CHN2: variants seen among roughly 807,000 people sequenced by gnomAD.
CHN2 encodes chimerin 2.
Under a neutral mutation model 56.3 loss-of-function variants are expected in CHN2, and 35 were observed. The observed-to-expected ratio is 0.62, with a 90% CI of 0.47 to 0.82. The LOEUF is 0.82. CHN2 is among the 40% of genes least tolerant of loss of function. CHN2 has a pLI of 0.00. For synonymous variants in CHN2, 210 were observed against 212.8 expected (o/e 0.99, Z 0.12); for missense variants, 491 against 580.5 (o/e 0.85, Z 1.58).
chr7:29,330,008 TG>T (rs1464603123), intron 1 of CHN2, among the ~76,000 whole-genome samples: 1 of 152,220 alleles, frequency 6.6e-6, no homozygotes, highest in African/African-American at 2.4e-5. Flanking sequence ...TGCTCTAACC[TG>T]GCCAGACTAT....
intron 4 of CHN2, 91 bp from the exon 5 acceptor site, chr7:29,398,282 G>C: frequency 1.1e-6 from 1 of 942,802 alleles, no homozygotes; most frequent in Non-Finnish European, 1.7e-6. Flanking sequence ...TGTCGATTCT[G>C]GGTGCCCCCA....
chr7:29,270,589 G>T (rs984359584), intron 1 of CHN2, among the ~76,000 whole-genome samples: 2 of 151,830 alleles, frequency 1.3e-5, no homozygotes, highest in African/African-American at 4.8e-5. Flanking sequence ...ACTTGAACTT[G>T]GGAGGTGGTG....
At chr7:29,431,000 A>G (rs1654671925) in intron 6 of CHN2, among the ~76,000 whole-genome samples, 2 of 152,090 alleles carry the variant, frequency 1.3e-5, no homozygotes, top group Admixed American at 1.3e-4. Context: ...TTGCTGCCTA[A>G]GCCTAGTCAG....
Position 29,323,725 on chromosome 7 carries a change from C to T in CHN2, c.50-30900C>T, listed in dbSNP as rs559246635. Reference sequence around the variant, plus strand: ...AATTATAGGGGGTTGAGGCTGGGCGCGGTGGCTCACACCTGTAATTCCAGC... The same window carrying T: ...AATTATAGGGGGTTGAGGCTGGGCGTGGTGGCTCACACCTGTAATTCCAGC... On this transcript the variant is annotated intron_variant, in intron 1 of 12. Transcript: ENST00000222792. 5.9e-5 allele frequency among the ~76,000 whole-genome samples: 9 copies of T among 152,060 alleles called. No individual in the cohort carries two copies. In the East Asian group the frequency reaches 9.7e-4, roughly 16 times the overall value.
chr7:29,190,720 T>C (rs577188906), upstream of CHN2, among the ~76,000 whole-genome samples: 13 of 152,354 alleles, frequency 8.5e-5, no homozygotes, highest in African/African-American at 2.9e-4. Flanking sequence ...TTTCTTTTGC[T>C]GCAGATGTGT....
chr7:29,196,086 C>G (rs545699857), intron 1 of CHN2, among the ~76,000 whole-genome samples: 1 of 152,200 alleles, frequency 6.6e-6, no homozygotes, highest in African/African-American at 2.4e-5. Flanking sequence ...TATTATTATT[C>G]GCGAATTAAA....
intron 2 of CHN2, among the ~76,000 whole-genome samples, chr7:29,178,266 C>A (rs1797614119): frequency 6.6e-6 from 1 of 152,154 alleles, no homozygotes; most frequent in South Asian, 2.1e-4. Context: ...ATGTTATCCC[C>A]TTCCTAAAAG....
intron 6 of CHN2, among the ~76,000 whole-genome samples, chr7:29,421,736 A>G (rs1351089398): frequency 6.6e-6 from 1 of 152,222 alleles, no homozygotes; most frequent in Non-Finnish European, 1.5e-5. Flanking sequence ...CATGAAGGCA[A>G]CCACATGCCT....
chr7:29,394,022 A>G (rs1455978246), intron 4 of CHN2, among the ~76,000 whole-genome samples: 1 of 152,072 alleles, frequency 6.6e-6, no homozygotes, highest in Non-Finnish European at 1.5e-5. Flanking sequence ...TTAGTGTTTC[A>G]TTTCACTTTC....
Position 29,195,054 on chromosome 7 carries a change from A to C in CHN2, c.49+64A>C. 2.6e-6 allele frequency: 4 copies of C among 1,518,204 alleles called. No homozygotes were observed. The South Asian group carries it at 4.7e-5, about 18-fold the overall frequency. The allele number at this position is 1,518,204 out of a possible 1,614,324, so 94.0% of individuals were successfully genotyped here. On this transcript the variant is annotated intron_variant, in intron 1 of 12. Transcript: ENST00000222792. ...TCTCGCCCCACTGCCCTCGCCCCGCAGCCTGGGATGGACAGAGCCTACCTG... is the reference window on the plus strand; with the variant it reads ...TCTCGCCCCACTGCCCTCGCCCCGCCGCCTGGGATGGACAGAGCCTACCTG...
intron 1 of CHN2, among the ~76,000 whole-genome samples, chr7:29,287,444 G>C (rs1792242846): frequency 6.6e-6 from 1 of 152,192 alleles, no homozygotes. Context: ...ACTCTATCCA[G>C]ATTGGTCTCT....
intron 3 of CHN2, among the ~76,000 whole-genome samples, chr7:29,371,834 A>G (rs1260811857): frequency 6.6e-6 from 1 of 152,032 alleles, no homozygotes; most frequent in Non-Finnish European, 1.5e-5. Flanking sequence ...TCTATCTCCA[A>G]ATATATCTCG....
chr7:29,238,015 C>CTTTTTTTTTTTTTTTTTTTTTTT (rs11405147), intron 1 of CHN2, among the ~76,000 whole-genome samples: 1 of 106,004 alleles, frequency 9.4e-6, no homozygotes, highest in Non-Finnish European at 1.8e-5. Flanking sequence ...TATGTATTCT[C>CTTTTTTTTTTTTTTTTTTTTTTT]TTTTTTTTTT....
chr7:29,295,140 A>G (rs1363441710), intron 1 of CHN2, among the ~76,000 whole-genome samples: 1 of 152,202 alleles, frequency 6.6e-6, no homozygotes, highest in Non-Finnish European at 1.5e-5. Context: ...TGCTATGTAA[A>G]TAGTTGTTAC....
At chr7:29,402,688 G>A (rs1031714970) in intron 6 of CHN2, among the ~76,000 whole-genome samples, 7 of 152,182 alleles carry the variant, frequency 4.6e-5, no homozygotes, top group Non-Finnish European at 7.3e-5. Context: ...AAGGAAAAGA[G>A]GAGAGCAGGA....
rs184026156 is a variant in CHN2 at position 29,386,799 on chromosome 7, A to G, written c.145-6880A>G. ...TTTGAGAGACCCCAAATGTCACTCCATCCTAGGCAAATTTTTCCGAAGTTC... is the reference window on the plus strand; with the variant it reads ...TTTGAGAGACCCCAAATGTCACTCCGTCCTAGGCAAATTTTTCCGAAGTTC... On this transcript the variant is annotated intron_variant, in intron 3 of 12. Coordinates refer to ENST00000222792, the MANE Select transcript of CHN2 (RefSeq NM_004067.4). 2.6e-3 allele frequency among the ~76,000 whole-genome samples: 402 copies of G among 152,338 alleles called. 6 individuals carry two copies. Among genetic ancestry groups the G allele is most frequent in the Admixed American group, 2.2e-3 (33 of 15,298 alleles).
At chr7:29,361,074 C>G (rs983085613) in intron 2 of CHN2, among the ~76,000 whole-genome samples, 1 of 152,208 alleles carries the variant, frequency 6.6e-6, no homozygotes, top group Admixed American at 6.5e-5. Context: ...ATTCCTGGCA[C>G]ATATTTGGGA....
At chr7:29,300,058 G>T (rs1793530684) in intron 1 of CHN2, among the ~76,000 whole-genome samples, 1 of 152,242 alleles carries the variant, frequency 6.6e-6, no homozygotes. Flanking sequence ...GGAGCCGTGG[G>T]ATGTTTTTCC....
At chr7:29,396,772 A>C (rs969738316) in intron 4 of CHN2, 2 of 82,222 alleles carry the variant, frequency 2.4e-5, no homozygotes, top group Non-Finnish European at 4.4e-5. Flanking sequence ...GGCTGCCCCC[A>C]GGGCTCTTTG....
Sources: allele counts gnomAD v4.1 joint callset (sites outside exome capture counted in the v4.1 genomes callset), GRCh38; gene constraint gnomAD v4.1.1; transcripts MANE v1.5; gene names NCBI Gene and HGNC (gene_info 2026-07-23, HGNC 2026-07-21).